The following HECW2 variants were observed in gnomAD, a reference collection of about 807,000 sequenced individuals.
HECW2 encodes the protein E3 ubiquitin-protein ligase HECW2.
In HECW2, 61 loss-of-function variants were observed where a neutral mutation model predicts 175.2. That is an observed-to-expected ratio of 0.35 (90% CI 0.28 to 0.43). The LOEUF (loss-of-function observed/expected upper bound fraction) is 0.43, where lower values mean the gene tolerates loss of function less well. Ranked by LOEUF, HECW2 falls within the 20% of genes least tolerant of loss-of-function variation. The pLI, the probability that HECW2 is intolerant of heterozygous loss-of-function variation, is 1.00. For synonymous variants in HECW2, 671 were observed against 731.0 expected, an observed-to-expected ratio of 0.92 and a Z score of 1.32; for missense variants, 1,524 against 2,000.5, an observed-to-expected ratio of 0.76 and a Z score of 4.54.
Position 196,240,574 on chromosome 2 carries a change from G to C in HECW2, c.3651-12C>G, listed in dbSNP as rs371020934. ...TTCGGATAATTAACCTGTCCATAAAGAGACAATTTAGAAAATACAAATTAT... is the reference window on the plus strand; with the variant it reads ...TTCGGATAATTAACCTGTCCATAAACAGACAATTTAGAAAATACAAATTAT... On this transcript the variant is annotated splice_polypyrimidine_tract_variant and intron_variant, in intron 20 of 28. Transcript: ENST00000644978. 3.2e-6 allele frequency: 5 copies of C among 1,573,816 alleles called. No individual in the cohort carries two copies. Among genetic ancestry groups the C allele is most frequent in the South Asian group, 2.4e-5 (2 of 84,364 alleles).
chr2:196,300,520 T>C (rs1261071908), intron 13 of HECW2, among the ~76,000 whole-genome samples: 1 of 152,246 alleles, frequency 6.6e-6, no homozygotes, highest in African/African-American at 2.4e-5. Context: ...CACTGTTGTC[T>C]TTACTTGTTA....
At chr2:196,455,443 T>C (rs1696477708) in intron 1 of HECW2, among the ~76,000 whole-genome samples, 1 of 152,264 alleles carries the variant, frequency 6.6e-6, no homozygotes, top group Non-Finnish European at 1.5e-5. Context: ...CTACATTGGT[T>C]AGAACTTCTA....
At position 196,204,190 on chromosome 2, in the gene HECW2, T is replaced by A. The variant is rs555369233; in HGVS notation, c.4608-2802A>T. 2.6e-5 allele frequency among the ~76,000 whole-genome samples: 4 copies of A among 152,250 alleles called. No individual in the cohort carries two copies. The East Asian group carries it at 7.7e-4, about 29-fold the overall frequency. ...ATGAGTGTACAATTATCTGTTTAAG[T>A]CCTCCTTTTCAATTTTTTGGGGGAT... is the stretch of plus-strand genomic sequence containing the variant. On this transcript the variant is annotated intron_variant, in intron 28 of 28. Transcript: ENST00000644978.
intron 1 of HECW2, among the ~76,000 whole-genome samples, chr2:196,438,922 G>A (rs1324811782): frequency 6.6e-6 from 1 of 152,186 alleles, no homozygotes; most frequent in Non-Finnish European, 1.5e-5. Flanking sequence ...GTGCTTGTGT[G>A]TCAGGGGAGG....
rs1691151669 is a variant in HECW2 at position 196,303,643 on chromosome 2, T to A, written c.2814+2845A>T. Among the ~76,000 whole-genome samples the A allele has an allele frequency of 1.3e-5, 2 of 152,348 alleles. 1 individual carries two copies. The highest frequency in any genetic ancestry group is 2.9e-5 in the Non-Finnish European group (2 of 68,032). ...ATCCTGGTTCAGTCTTGGGAGGGTGTATGTGTCCAGGAACTTATCTATTTC... is the reference window on the plus strand; with the variant it reads ...ATCCTGGTTCAGTCTTGGGAGGGTGAATGTGTCCAGGAACTTATCTATTTC... On this transcript the variant is annotated intron_variant, in intron 13 of 28. Coordinates refer to ENST00000644978, the MANE Select transcript of HECW2 (RefSeq NM_001348768.2).
intron 2 of HECW2, among the ~76,000 whole-genome samples, chr2:196,349,899 C>T (rs551227769): frequency 4.6e-5 from 7 of 152,204 alleles, no homozygotes; most frequent in African/African-American, 1.4e-4. Context: ...TTAGGAGGAA[C>T]ACCTAGGGGT....
intron 24 of HECW2, 32 bp downstream of exon 24, chr2:196,222,179 C>T: frequency 1.2e-6 from 2 of 1,600,556 alleles, no homozygotes; most frequent in Non-Finnish European, 1.7e-6. Context: ...TCAGTTACCA[C>T]ACTTAGGCGC....
intron 20 of HECW2, among the ~76,000 whole-genome samples, chr2:196,241,170 C>T (rs1688438731): frequency 6.6e-6 from 1 of 152,272 alleles, no homozygotes; most frequent in South Asian, 2.1e-4. Context: ...AGTCATCCTT[C>T]CATAGATATC....
At chr2:196,228,283 T>C in intron 21 of HECW2, 29 bp from the exon 22 acceptor site, 1 of 1,578,482 alleles carries the variant, frequency 6.3e-7, no homozygotes. Flanking sequence ...AAAAGAATAA[T>C]CTGTTACTTT....
At position 196,275,573 on chromosome 2, in the gene HECW2, G is replaced by A. The variant is rs767667588; in HGVS notation, c.3136-1450C>T. 8.4e-4 allele frequency among the ~76,000 whole-genome samples: 128 copies of A among 152,224 alleles called. 1 individual carries two copies. Among genetic ancestry groups the A allele is most frequent in the Non-Finnish European group, 1.6e-3 (112 of 68,020 alleles). ...TCGAGACCATCCTGGCCAACATGGTGAAACCCCATCTCTACTAAAAATACA... is the reference window on the plus strand; with the variant it reads ...TCGAGACCATCCTGGCCAACATGGTAAAACCCCATCTCTACTAAAAATACA... On this transcript the variant is annotated intron_variant, in intron 15 of 28. Transcript: ENST00000644978.
intron 2 of HECW2, among the ~76,000 whole-genome samples, chr2:196,351,735 C>G (rs1016042299): frequency 1.3e-5 from 2 of 152,114 alleles, no homozygotes; most frequent in South Asian, 4.1e-4. Flanking sequence ...AAATTGAAAA[C>G]AACTATGTCC....
chr2:196,321,759 C>T (rs2105766411), intron 7 of HECW2, among the ~76,000 whole-genome samples: 1 of 152,278 alleles, frequency 6.6e-6, no homozygotes, highest in Non-Finnish European at 1.5e-5. Flanking sequence ...TCCACCTCTG[C>T]CCTCTAATGG....
At chr2:196,219,089 G>C (rs988294574) in intron 26 of HECW2, among the ~76,000 whole-genome samples, 1 of 152,074 alleles carries the variant, frequency 6.6e-6, no homozygotes, top group Non-Finnish European at 1.5e-5. Flanking sequence ...CTTCAACTTA[G>C]AGATAACTAG....
chr2:196,345,273 C>A (rs1692911425), intron 2 of HECW2, among the ~76,000 whole-genome samples: 1 of 152,202 alleles, frequency 6.6e-6, no homozygotes, highest in Non-Finnish European at 1.5e-5. Flanking sequence ...CACATGGCTC[C>A]TCAGGGCAGA....
At chr2:196,589,034 A>G (rs1691087377) in intron 1 of HECW2, among the ~76,000 whole-genome samples, 1 of 152,110 alleles carries the variant, frequency 6.6e-6, no homozygotes, top group Non-Finnish European at 1.5e-5. Flanking sequence ...TCCTGTCTCT[A>G]CTAAAAACAC....
At chr2:196,453,423 C>T (rs560045921) in intron 1 of HECW2, among the ~76,000 whole-genome samples, 2 of 152,114 alleles carry the variant, frequency 1.3e-5, no homozygotes, top group Non-Finnish European at 2.9e-5. Flanking sequence ...AGACTGAACC[C>T]AGGATGGGGT....
chr2:196,458,103 C>T (rs1285532719), intron 1 of HECW2, among the ~76,000 whole-genome samples: 1 of 151,932 alleles, frequency 6.6e-6, no homozygotes, highest in Admixed American at 6.6e-5. Context: ...GACCCCATCT[C>T]TACAAAAAAT....
chr2:196,279,794 C>T (rs1263786409), intron 14 of HECW2, among the ~76,000 whole-genome samples: 2 of 152,168 alleles, frequency 1.3e-5, no homozygotes, highest in African/African-American at 4.8e-5. Context: ...GTTCTCTGAG[C>T]TATATGTTTC....
chr2:196,213,636 T>C (rs1024490721), intron 28 of HECW2, among the ~76,000 whole-genome samples: 1 of 152,170 alleles, frequency 6.6e-6, no homozygotes, highest in African/African-American at 2.4e-5. Flanking sequence ...TGGGTAAAAC[T>C]AGGAATGTAG....
Sources: allele counts gnomAD v4.1 joint callset (sites outside exome capture counted in the v4.1 genomes callset), GRCh38; gene constraint gnomAD v4.1.1; transcripts MANE v1.5; gene names NCBI Gene and HGNC (gene_info 2026-07-23, HGNC 2026-07-21).